Variants in ARHGEF10 observed in about 807,000 individuals in gnomAD.
ARHGEF10 encodes Rho guanine nucleotide exchange factor 10.
In ARHGEF10, 140 loss-of-function variants were observed where a neutral mutation model predicts 147.4. The ratio of observed to expected loss-of-function variants is 0.95; its 90% CI spans 0.83 to 1.09. ARHGEF10 has a LOEUF of 1.09. Among genes scored for constraint, ARHGEF10 ranks in the 50% least tolerant of loss-of-function variants. ARHGEF10 has a pLI of 0.00. For missense variants in ARHGEF10, 2,222 were observed against 1,752.7 expected, an observed-to-expected ratio of 1.27 and a Z score of -4.78; for synonymous variants, 902 against 695.8, an observed-to-expected ratio of 1.30 and a Z score of -4.67.
chr8:1,893,728 G>A (rs1264943023), intron 12 of ARHGEF10, 82 bp downstream of exon 12: 6 of 1,141,738 alleles, frequency 5.3e-6, no homozygotes, highest in South Asian at 1.3e-5. Flanking sequence ...TAAATGCAAA[G>A]CATATATGTT....
Position 1,909,403 on chromosome 8 carries a change from C to A in ARHGEF10, c.2076C>A (p.Gly692=). 6.2e-7 allele frequency: 1 copy of A among 1,614,100 alleles called. No individual in the cohort carries two copies. The highest frequency in any genetic ancestry group is 8.5e-7 in the Non-Finnish European group (1 of 1,180,044). The change falls in exon 18 of 29, where the codon GGC becomes GGA. Residue 692 remains glycine, a synonymous_variant. Coordinates refer to ENST00000349830, the MANE Select transcript of ARHGEF10 (RefSeq NM_014629.4). The part of the protein sequence containing the change: ...AIEYGSSAGT[G]EHSRHLAVHP... ...AGTATGGCAGCAGCGCAGGCACGGGCGAGCACAGCAGGCACCTTGCCGTTC... is the reference window on the plus strand; with the variant it reads ...AGTATGGCAGCAGCGCAGGCACGGGAGAGCACAGCAGGCACCTTGCCGTTC...
At chr8:1,889,482 TGGG>T in intron 11 of ARHGEF10, among the ~76,000 whole-genome samples, 1 of 29,858 alleles carries the variant, frequency 3.3e-5, no homozygotes, top group African/African-American at 2.1e-4. Flanking sequence ...AGACACTGAG[TGGG>T]GTGAGGGGTC....
intron 25 of ARHGEF10, among the ~76,000 whole-genome samples, chr8:1,932,279 TTG>T (rs1813208805): frequency 6.6e-6 from 1 of 151,732 alleles, no homozygotes; most frequent in Admixed American, 6.6e-5. Flanking sequence ...GGGGTGTGCA[TTG>T]TGTGAGCAGG....
At chr8:1,833,207 C>T (rs1274604357) in intron 1 of ARHGEF10, among the ~76,000 whole-genome samples, 7 of 142,076 alleles carry the variant, frequency 4.9e-5, no homozygotes, top group African/African-American at 1.9e-4. Flanking sequence ...GAGACAGAGG[C>T]AGAGGCAGAA....
At chr8:1,839,110 G>GGTGTGGGGAGTGTCTC (rs1803770700) in intron 1 of ARHGEF10, among the ~76,000 whole-genome samples, 1 of 151,518 alleles carries the variant, frequency 6.6e-6, no homozygotes, top group African/African-American at 2.4e-5. Context: ...GGGAGTGTCT[G>GGTGTGGGGAGTGTCTC]GTGTGGGGAC....
At chr8:1,926,491 C>G in intron 23 of ARHGEF10, 28 bp downstream of exon 23, 1 of 1,592,122 alleles carries the variant, frequency 6.3e-7, no homozygotes, top group South Asian at 1.1e-5. Context: ...GGTTTTGGTA[C>G]AAGTTCACAG....
chr8:1,945,333 G>C lies in ARHGEF10; in HGVS notation c.3223-148G>C, dbSNP rs1814478217. The C allele has an allele frequency of 1.8e-5, 18 of 978,390 alleles. No homozygotes were observed. In the South Asian group the frequency reaches 2.3e-4, roughly 12 times the overall value. The allele number at this position is 978,390 out of a possible 1,614,324, so 60.6% of individuals were successfully genotyped here. A position where few individuals can be genotyped will look rare whatever the true frequency, so the allele number is the denominator to read the frequency against. On this transcript the variant is annotated intron_variant, in intron 26 of 28. Coordinates refer to ENST00000349830, the MANE Select transcript of ARHGEF10 (RefSeq NM_014629.4). ...CAGGCAGTTGGGTTGCTGGTGTTTG[G>C]TTGCTGGAGACGCCTGTGATTTGGA...
chr8:1,851,151 G>A (rs943324414), intron 2 of ARHGEF10, among the ~76,000 whole-genome samples: 5 of 151,868 alleles, frequency 3.3e-5, no homozygotes, highest in Non-Finnish European at 7.4e-5. Context: ...AGCACCAGGA[G>A]CGAGGCCTCA....
chr8:1,824,439 G>T (rs961433957), intron 1 of ARHGEF10, among the ~76,000 whole-genome samples: 13 of 151,896 alleles, frequency 8.6e-5, no homozygotes, highest in Non-Finnish European at 1.8e-4. Context: ...GGCTTCGCCT[G>T]GGGGGTCGTG....
intron 13 of ARHGEF10, among the ~76,000 whole-genome samples, chr8:1,895,801 G>A (rs1408732721): frequency 1.3e-5 from 2 of 152,312 alleles, no homozygotes; most frequent in African/African-American, 4.8e-5. Context: ...GATAGCAAGG[G>A]CAAATGTTTC....
chr8:1,858,267 C>T, intron 3 of ARHGEF10, 152 bp downstream of exon 3: 1 of 521,700 alleles, frequency 1.9e-6, no homozygotes, highest in Non-Finnish European at 3.2e-6. Context: ...CTGGGGGGTT[C>T]CCAGGTGAGT....
At chr8:1,850,888 C>T (rs1306078751) in intron 2 of ARHGEF10, among the ~76,000 whole-genome samples, 4 of 152,060 alleles carry the variant, frequency 2.6e-5, no homozygotes, top group African/African-American at 7.2e-5. Context: ...GCTGCCAAGC[C>T]GTGAAAAGAC....
intron 7 of ARHGEF10, among the ~76,000 whole-genome samples, chr8:1,873,173 G>A (rs1221176878): frequency 6.6e-6 from 1 of 152,160 alleles, no homozygotes; most frequent in Non-Finnish European, 1.5e-5. Flanking sequence ...GCCAGTTTCC[G>A]AAAGAAACTC....
intron 27 of ARHGEF10, 33 bp downstream of exon 27, chr8:1,945,688 C>G (rs761324675): frequency 6.2e-7 from 1 of 1,612,930 alleles, no homozygotes; most frequent in Non-Finnish European, 8.5e-7. Context: ...AGGGATGGGA[C>G]AGCAACCGGG....
rs138367297 is a variant in ARHGEF10, at chr8:1,952,737, G to A, written c.3430G>A (p.Val1144Ile). 3.8e-5 allele frequency: 62 copies of A among 1,613,284 alleles called. No individual in the cohort carries two copies. In the Middle Eastern group the frequency reaches 5.0e-4, roughly 13 times the overall value. Residue 1144 changes from valine to isoleucine, a missense_variant, in exon 28 of 29, where the codon GTC becomes ATC. By Grantham distance (29) the Val-to-Ile change is conservative. Transcript: ENST00000349830. ...HQRLSVTSLL[V>I]CHGLLMVGTS... ...GCGGCTGTCGGTGACGAGCCTGCTC[G>A]TCTGCCACGGATTGCTGATGGTCGG...
At chr8:1,891,899 C>T (rs1193034388) in intron 11 of ARHGEF10, among the ~76,000 whole-genome samples, 1 of 151,002 alleles carries the variant, frequency 6.6e-6, no homozygotes, top group Non-Finnish European at 1.5e-5. Flanking sequence ...ATCTTTTGAC[C>T]TGATACTATA....
At chr8:1,935,258 T>C (rs1563309528) in intron 26 of ARHGEF10, among the ~76,000 whole-genome samples, 1 of 152,052 alleles carries the variant, frequency 6.6e-6, no homozygotes, top group African/African-American at 2.4e-5. Context: ...GTGCGTTTGT[T>C]ACAGTCAGTG....
intron 2 of ARHGEF10, among the ~76,000 whole-genome samples, chr8:1,850,593 C>T (rs965372513): frequency 2.1e-5 from 3 of 146,042 alleles, no homozygotes; most frequent in Admixed American, 6.8e-5. Flanking sequence ...CGGGTGCTGG[C>T]GGGTGGCTAG....
chr8:1,949,719 C>T (rs1454552413), intron 27 of ARHGEF10, among the ~76,000 whole-genome samples: 4 of 151,644 alleles, frequency 2.6e-5, no homozygotes, highest in Non-Finnish European at 5.9e-5. Context: ...TGGACTACAC[C>T]GTAAGGGAAT....
Sources: gnomAD v4.1 joint callset for allele counts (sites outside exome capture counted in the v4.1 genomes callset) on GRCh38, gnomAD v4.1.1 for gene constraint, MANE v1.5 for transcripts, NCBI Gene and HGNC (gene_info 2026-07-23, HGNC 2026-07-21) for gene names.